ASXL2: variants seen among roughly 807,000 people sequenced by gnomAD.
ASXL2 encodes putative Polycomb group protein ASXL2.
A neutral mutation model predicts 122.0 loss-of-function variants in ASXL2; 23 were observed. That is an observed-to-expected ratio of 0.19 (90% CI 0.14 to 0.27). The LOEUF is 0.27. Ranked by LOEUF, ASXL2 falls within the 10% of genes least tolerant of loss-of-function variation. The probability of loss-of-function intolerance (pLI) is 1.00; values close to 1 mark genes in which losing one functional copy is unlikely to be tolerated. For synonymous variants in ASXL2, 650 were observed against 637.0 expected, an observed-to-expected ratio of 1.02 and a Z score of -0.31; for missense variants, 1,518 against 1,713.8, an observed-to-expected ratio of 0.89 and a Z score of 2.02.
chr2:25,858,499 C>T (rs1055278738), intron 1 of ASXL2, among the ~76,000 whole-genome samples: 1 of 151,370 alleles, frequency 6.6e-6, no homozygotes, highest in African/African-American at 2.4e-5. Context: ...CTGAGGTGGG[C>T]GGATCATGAG....
intron 1 of ASXL2, among the ~76,000 whole-genome samples, chr2:25,852,450 CAG>C (rs1213286637): frequency 2.6e-5 from 4 of 152,170 alleles, no homozygotes; most frequent in Non-Finnish European, 5.9e-5. Context: ...TACAGATGTG[CAG>C]AGTCTGAATT....
At chr2:25,846,549 G>C (rs1397085062) in intron 1 of ASXL2, among the ~76,000 whole-genome samples, 1 of 152,164 alleles carries the variant, frequency 6.6e-6, no homozygotes, top group Non-Finnish European at 1.5e-5. Flanking sequence ...TCAGGAGGCT[G>C]AGGCAGGAGA....
chr2:25,744,420 C>T lies in ASXL2; in HGVS notation c.1917G>A (p.Arg639=). The change falls in exon 13 of 13, where the codon AGG becomes AGA. Residue 639 remains arginine, a synonymous_variant. Coordinates refer to ENST00000435504, the MANE Select transcript of ASXL2 (RefSeq NM_018263.6). This position sits in a 1 kb window ranked among gnomAD's most constrained non-coding sequence, Gnocchi z 4.7. ...MPFHPSQVSP[R]ARFPVSITSP... is the part of the protein sequence containing the mutation. Reference sequence around the variant, plus strand: ...TAGTGATGGAGACTGGAAAACGAGCCCTGGGAGAGACCTGCGATGGATGAA... The same window carrying T: ...TAGTGATGGAGACTGGAAAACGAGCTCTGGGAGAGACCTGCGATGGATGAA... The T allele has an allele frequency of 2.5e-6, 4 of 1,613,392 alleles. No individual in the cohort carries two copies. The highest frequency in any genetic ancestry group is 3.4e-6 in the Non-Finnish European group (4 of 1,179,814).
Position 25,771,369 on chromosome 2 carries a change from G to A in ASXL2, c.504+71C>T, listed in dbSNP as rs1024708993. On this transcript the variant is annotated intron_variant, in intron 6 of 12. Transcript: ENST00000435504. The stretch of plus-strand genomic sequence containing the variant: ...TGTAAAAAATTTTCAAAAAATATCC[G>A]ATGACTGCCAGAGGTGTGCGTTTTA... 13 of 1,377,700 alleles carry A rather than the reference G, an allele frequency of 9.4e-6. No homozygotes were observed. The Admixed American group carries it at 1.3e-4, about 13-fold the overall frequency. The allele number at this position is 1,377,700 out of a possible 1,614,324, so 85.3% of individuals were successfully genotyped here.
At position 25,734,066 on chromosome 2, in the gene ASXL2, T is replaced by TAAA. The variant is rs201180055; in HGVS notation, c.*7962_*7963insTTT. ...CAGAATTAAGACAGGTTTTTTTTTT[T>TAAA]TAAAAAAAATAGGTCAAAGCACTTA... is the stretch of plus-strand genomic sequence containing the variant. On this transcript the variant is annotated 3_prime_UTR_variant, in exon 13 of 13. Coordinates refer to ENST00000435504, the MANE Select transcript of ASXL2 (RefSeq NM_018263.6). 1 of 142,844 alleles carries TAAA rather than the reference T, an allele frequency of 7.0e-6. No homozygotes were observed. The highest frequency in any genetic ancestry group is 2.6e-5 in the African/African-American group (1 of 38,290). The allele number at this position is 142,844 out of a possible 1,614,324, so 8.8% of individuals were successfully genotyped here.
At chr2:25,761,896 T>C (rs1038804257) in intron 8 of ASXL2, among the ~76,000 whole-genome samples, 4 of 152,116 alleles carry the variant, frequency 2.6e-5, no homozygotes, top group African/African-American at 7.2e-5. Context: ...ACAGTTCTTA[T>C]TGTACTTCAG....
intron 6 of ASXL2, 90 bp from the exon 7 acceptor site, chr2:25,768,958 TGCTGATCG>T: frequency 7.2e-7 from 1 of 1,385,940 alleles, no homozygotes; most frequent in South Asian, 1.5e-5. Context: ...GCAAGAAGCA[TGCTGATCG>T]TTCAATTTCT....
intron 5 of ASXL2, among the ~76,000 whole-genome samples, chr2:25,775,180 T>C (rs1365216805): frequency 1.3e-5 from 2 of 152,030 alleles, no homozygotes; most frequent in Non-Finnish European, 2.9e-5. Flanking sequence ...CAGACTGGAG[T>C]GCAATGGCAC....
chr2:25,877,645 C>CGTGAT (rs2149206462), intron 1 of ASXL2, among the ~76,000 whole-genome samples: 2 of 152,308 alleles, frequency 1.3e-5, no homozygotes, highest in East Asian at 3.9e-4. Flanking sequence ...ACAAAAGCCT[C>CGTGAT]GTGATCTCTC....
intron 1 of ASXL2, among the ~76,000 whole-genome samples, chr2:25,875,095 A>G (rs542838770): frequency 1.6e-4 from 24 of 152,302 alleles, no homozygotes; most frequent in African/African-American, 5.8e-4. Flanking sequence ...AAGAAAAAGT[A>G]AAACATGTGA....
intron 3 of ASXL2, among the ~76,000 whole-genome samples, chr2:25,806,913 T>C (rs539018017): frequency 6.6e-6 from 1 of 151,750 alleles, no homozygotes; most frequent in Non-Finnish European, 1.5e-5. Flanking sequence ...AGGTATATAA[T>C]AATCTATAGA....
chr2:25,744,580 G>A lies in ASXL2; in HGVS notation c.1861-104C>T, dbSNP rs1291525769. The A allele has an allele frequency of 2.3e-6, 3 of 1,281,710 alleles. No homozygotes were observed. The East Asian group carries it at 7.3e-5, about 31-fold the overall frequency. 79.4% of individuals were successfully genotyped at this position (1,281,710 alleles called of 1,614,324 possible). A position where few individuals can be genotyped will look rare whatever the true frequency, so the allele number is the denominator to read the frequency against. ...ATTTTAAAAACAGATGAACACTACA[G>A]TACCTGTGACAAACATGGGTGGTCT... On this transcript the variant is annotated intron_variant, in intron 12 of 12. Transcript: ENST00000435504. The surrounding 1 kb of genome is among the most constrained non-coding windows in gnomAD (Gnocchi z 4.7).
chr2:25,806,432 A>C, intron 3 of ASXL2, 95 bp from the exon 4 acceptor site: 1 of 782,416 alleles, frequency 1.3e-6, no homozygotes, highest in African/African-American at 1.7e-5. Context: ...TAATTAGTCA[A>C]TACTCCTTTG....
intron 3 of ASXL2, among the ~76,000 whole-genome samples, chr2:25,817,847 C>A (rs1175964548): frequency 3.9e-5 from 6 of 151,990 alleles, no homozygotes; most frequent in African/African-American, 1.5e-4. Context: ...ACCCCAGATG[C>A]CCACAAATAC....
chr2:25,855,440 G>A lies in ASXL2; in HGVS notation c.58-9877C>T, dbSNP rs548386672. On this transcript the variant is annotated intron_variant, in intron 1 of 12. Coordinates refer to ENST00000435504, the MANE Select transcript of ASXL2 (RefSeq NM_018263.6). ...TCTCAGCACTTTGGAAGGCCAAGGCGGGCAGATTCCCTGAGGTCAGGAGTT... is the reference window on the plus strand; with the variant it reads ...TCTCAGCACTTTGGAAGGCCAAGGCAGGCAGATTCCCTGAGGTCAGGAGTT... 4.6e-5 allele frequency among the ~76,000 whole-genome samples: 7 copies of A among 152,212 alleles called. No individual in the cohort carries two copies. The East Asian group carries it at 5.8e-4, about 13-fold the overall frequency.
chr2:25,784,113 G>A (rs2088696751), intron 5 of ASXL2, among the ~76,000 whole-genome samples: 1 of 149,626 alleles, frequency 6.7e-6, no homozygotes, highest in Non-Finnish European at 1.5e-5. Flanking sequence ...AGTTAGCCAG[G>A]TGCGGTGGCG....
At chr2:25,828,689 G>A (rs772825032) in intron 3 of ASXL2, among the ~76,000 whole-genome samples, 38 of 151,284 alleles carry the variant, frequency 2.5e-4, no homozygotes, top group Non-Finnish European at 4.3e-4. Context: ...GCCGGGAGTG[G>A]TGGCAGGCAC....
In ASXL2 at chr2:25,768,867, G is replaced by A. The variant is rs530632623; in HGVS notation, c.506C>T (p.Ala169Val). Residue 169 changes from alanine (A) to valine (V), a missense_variant and splice_region_variant, in exon 7 of 13, where the codon GCG (alanine) becomes GTG (valine). By Grantham distance (64) the Ala-to-Val change is moderately conservative. Coordinates refer to ENST00000435504, the MANE Select transcript of ASXL2 (RefSeq NM_018263.6). ...CTTCTTCTGCTGTTGCTGCTTTAGCGCCTATAAAGATAAAACAGACTATAA... is the reference window on the plus strand; with the variant it reads ...CTTCTTCTGCTGTTGCTGCTTTAGCACCTATAAAGATAAAACAGACTATAA... Reference protein sequence around the residue: ...QKHSKKALKQALKQQQQKKQQ... With the variant: ...QKHSKKALKQVLKQQQQKKQQ... The A allele has an allele frequency of 3.7e-6, 6 of 1,613,296 alleles. No individual in the cohort carries two copies. The highest frequency in any genetic ancestry group is 3.3e-5 in the Admixed American group (2 of 59,984).
intron 5 of ASXL2, among the ~76,000 whole-genome samples, chr2:25,792,764 C>A (rs1209435946): frequency 6.6e-6 from 1 of 151,646 alleles, no homozygotes; most frequent in African/African-American, 2.4e-5. Flanking sequence ...CGCCACCACA[C>A]CCAGCTAATT....
Sources: gnomAD v4.1 joint callset for allele counts (sites outside exome capture counted in the v4.1 genomes callset) on GRCh38, gnomAD v4.1.1 for gene constraint, Gnocchi (gnomAD v3.1) non-coding constraint, MANE v1.5 for transcripts, NCBI Gene and HGNC (gene_info 2026-07-23, HGNC 2026-07-21) for gene names.